The following NARF variants were observed in gnomAD, a reference collection of about 807,000 sequenced individuals.
The protein encoded by NARF is nuclear prelamin A recognition factor.
In NARF, 41 loss-of-function variants were observed where a neutral mutation model predicts 48.0. The observed-to-expected ratio is 0.85, with a 90% CI of 0.66 to 1.11. NARF has a LOEUF of 1.11. Among genes scored for constraint, NARF ranks in the 50% least tolerant of loss-of-function variants. The pLI, the probability that NARF is intolerant of heterozygous loss-of-function variation, is 0.00. For missense variants in NARF, 613 were observed against 590.2 expected (o/e 1.04, Z -0.40); for synonymous variants, 215 against 225.5 (o/e 0.95, Z 0.42).
At chr17:82,458,492 C>A, upstream of NARF, 1 of 348,952 alleles carries the variant, frequency 2.9e-6, no homozygotes, top group Non-Finnish European at 5.2e-6. Context: ...GCGCAAGGAC[C>A]CGGTCCCCCC....
Position 82,480,955 on chromosome 17 carries a change from C to T in NARF, c.640-127C>T, listed in dbSNP as rs1283510688. ...CAAAAAAAAAAAAAAAAAAAGAGTG[C>T]AGCATGCAGTGTCTGGAGGGCAGCA... On this transcript the variant is annotated intron_variant, in intron 6 of 10. Coordinates refer to ENST00000309794, the MANE Select transcript of NARF (RefSeq NM_012336.4). 5 of 1,040,934 alleles carry T rather than the reference C, an allele frequency of 4.8e-6. No homozygotes were observed. In the African/African-American group the frequency reaches 5.0e-5, roughly 10 times the overall value. 64.5% of individuals were successfully genotyped at this position (1,040,934 alleles called of 1,614,324 possible). A position where few individuals can be genotyped will look rare whatever the true frequency, so the allele number is the denominator to read the frequency against.
At chr17:82,481,315 G>A (rs867364350) in intron 7 of NARF, 104 bp downstream of exon 7, 1 of 1,527,782 alleles carries the variant, frequency 6.5e-7, no homozygotes, top group Non-Finnish European at 8.8e-7. Context: ...CTCAGTGCCT[G>A]CCAATGTGGT....
At chr17:82,472,030 C>T (rs2143879062) in intron 4 of NARF, among the ~76,000 whole-genome samples, 1 of 152,198 alleles carries the variant, frequency 6.6e-6, no homozygotes, top group East Asian at 1.9e-4. Flanking sequence ...CATACACGCT[C>T]ATTGTTTACA....
At chr17:82,471,251 T>C (rs7222259) in intron 4 of NARF, among the ~76,000 whole-genome samples, 68,330 of 147,104 alleles carry the variant, frequency 0.46, 16,902 homozygotes, top group East Asian at 0.9. Context: ...GTCAGGAGAT[T>C]GAGACCATCC....
intron 5 of NARF, among the ~76,000 whole-genome samples, chr17:82,475,731 C>T (rs1567938953): frequency 6.6e-6 from 1 of 152,198 alleles, no homozygotes; most frequent in Non-Finnish European, 1.5e-5. Flanking sequence ...GAGAAGAGAC[C>T]TCTCAGGGCC....
chr17:82,476,122 C>T (rs2043826340), intron 5 of NARF, among the ~76,000 whole-genome samples: 1 of 152,066 alleles, frequency 6.6e-6, no homozygotes, highest in African/African-American at 2.4e-5. Flanking sequence ...ATTCTCCCAA[C>T]TCAGCCTCCT....
chr17:82,464,763 G>T (rs2043523170), intron 3 of NARF, among the ~76,000 whole-genome samples: 1 of 152,188 alleles, frequency 6.6e-6, no homozygotes, highest in South Asian at 2.1e-4. Context: ...CGGAGCTCCT[G>T]CTGTTCTGCC....
chr17:82,459,690 C>A (rs12952969), intron 1 of NARF, among the ~76,000 whole-genome samples: 3 of 151,682 alleles, frequency 2.0e-5, no homozygotes, highest in African/African-American at 7.3e-5. Context: ...GCCAACATGG[C>A]GAAACCCAGT....
In NARF at chr17:82,472,607, T is replaced by C. The variant is rs767728413; in HGVS notation, c.429T>C (p.Ser143=). ...ATACGACGATAGCTGCGGATTTTAG[T>C]ATCCTGGAGAGTCAAAAAGAATTCG... ...VFDTTIAADF[S]ILESQKEFVR... The change falls in exon 5 of 11, where the codon AGT becomes AGC. Residue 143 remains serine (S), a synonymous_variant. Coordinates refer to ENST00000309794, the MANE Select transcript of NARF (RefSeq NM_012336.4). 1.7e-5 allele frequency: 28 copies of C among 1,613,562 alleles called. 1 individual carries two copies. In the South Asian group the frequency reaches 3.0e-4, roughly 17 times the overall value.
intron 3 of NARF, among the ~76,000 whole-genome samples, chr17:82,467,696 G>T (rs1051854171): frequency 2.6e-5 from 4 of 151,786 alleles, no homozygotes; most frequent in Non-Finnish European, 5.9e-5. Context: ...GTAGAGATGG[G>T]TTTCGCCATG....
At chr17:82,460,915 A>ATTTTTTTTTTTTTTTT (rs137987200) in intron 2 of NARF, 7 of 149,726 alleles carry the variant, frequency 4.7e-5, no homozygotes, top group Admixed American at 1.3e-4. Flanking sequence ...TCTTCTTTTA[A>ATTTTTTTTTTTTTTTT]TTTTTTTTTT....
Position 82,472,626 on chromosome 17 carries a change from G to A in NARF, c.448G>A (p.Glu150Lys). The A allele has an allele frequency of 1.2e-6, 2 of 1,613,968 alleles. No individual in the cohort carries two copies. Among genetic ancestry groups the A allele is most frequent in the Non-Finnish European group, 1.7e-6 (2 of 1,179,942 alleles). Residue 150 changes from glutamate (E) to lysine (K), a missense_variant, in exon 5 of 11, where the codon GAA (glutamate) becomes AAA (lysine). Physicochemically the swap from Glu to Lys is moderately conservative, Grantham distance 56 (BLOSUM62 1). Coordinates refer to ENST00000309794, the MANE Select transcript of NARF (RefSeq NM_012336.4). ...ADFSILESQK[E>K]FVRRYRQHSE... ...TTTTAGTATCCTGGAGAGTCAAAAA[G>A]AATTCGTGCGTCGCTATCGCCAGCA...
At position 82,464,360 on chromosome 17, in the gene NARF, C is replaced by T. The variant is rs752105353; in HGVS notation, c.182C>T (p.Thr61Ile). ...SDCLACDSCMTAEEGVQLSQQ... is the reference protein window; with the variant it reads ...SDCLACDSCMIAEEGVQLSQQ... ...TGCCTGGCATGTGACAGCTGTATGACTGCAGAGGAAGGAGTCCAACTTTCC... is the reference window on the plus strand; with the variant it reads ...TGCCTGGCATGTGACAGCTGTATGATTGCAGAGGAAGGAGTCCAACTTTCC... The change falls in exon 3 of 11, where the codon ACT (threonine) becomes ATT (isoleucine). Residue 61 changes from threonine (T) to isoleucine (I), a missense_variant. By Grantham distance (89) the Thr-to-Ile change is moderately conservative (BLOSUM62 -1). Transcript: ENST00000309794. 12 of 1,614,148 alleles carry T rather than the reference C, an allele frequency of 7.4e-6. No individual in the cohort carries two copies. Among genetic ancestry groups the T allele is most frequent in the African/African-American group, 1.3e-5 (1 of 75,068 alleles).
chr17:82,487,727 C>T (rs1278621630), intron 10 of NARF, among the ~76,000 whole-genome samples, 189 bp from the exon 11 acceptor site: 2 of 152,156 alleles, frequency 1.3e-5, no homozygotes, highest in African/African-American at 4.8e-5. Flanking sequence ...GTAGGATTGC[C>T]GCTTGAAGCC....
intron 7 of NARF, chr17:82,483,300 C>T (rs775483124): frequency 1.5e-5 from 5 of 338,246 alleles, no homozygotes; most frequent in African/African-American, 4.5e-5. Context: ...GCCTGGGCGG[C>T]GGAGGTGAGA....
intron 10 of NARF, among the ~76,000 whole-genome samples, chr17:82,487,321 TA>T (rs1555631082): frequency 2.0e-5 from 3 of 151,172 alleles, no homozygotes; most frequent in Non-Finnish European, 4.4e-5. Flanking sequence ...CTGTCTCTAC[TA>T]AAAATACAAA....
At chr17:82,467,700 C>A (rs543300756) in intron 3 of NARF, among the ~76,000 whole-genome samples, 1 of 151,992 alleles carries the variant, frequency 6.6e-6, no homozygotes, top group Non-Finnish European at 1.5e-5. Flanking sequence ...AGATGGGTTT[C>A]GCCATGTTGG....
intron 5 of NARF, chr17:82,477,121 C>T (rs1207167507): frequency 6.6e-6 from 1 of 152,222 alleles, no homozygotes; most frequent in Non-Finnish European, 1.5e-5. Flanking sequence ...ACCTCTTGGG[C>T]TCAAGTGATC....
At chr17:82,473,342 T>C (rs2043758754) in intron 5 of NARF, among the ~76,000 whole-genome samples, 1 of 149,540 alleles carries the variant, frequency 6.7e-6, no homozygotes, top group Admixed American at 6.7e-5. Context: ...TTGCCCAGGC[T>C]GGAGTGCAGT....
Sources: gnomAD v4.1 joint callset for allele counts (sites outside exome capture counted in the v4.1 genomes callset) on GRCh38, gnomAD v4.1.1 for gene constraint, MANE v1.5 for transcripts, NCBI Gene and HGNC (gene_info 2026-07-23, HGNC 2026-07-21) for gene names.